The following PIBF1 variants were observed in gnomAD, a reference collection of about 807,000 sequenced individuals.
PIBF1 encodes progesterone-induced-blocking factor 1.
A neutral mutation model predicts 112.5 loss-of-function variants in PIBF1; 90 were observed. That is an observed-to-expected ratio of 0.80 (90% CI 0.67 to 0.95). The LOEUF is 0.95. Among genes scored for constraint, PIBF1 ranks in the 40% least tolerant of loss-of-function variants. PIBF1 has a pLI of 0.00. For missense variants in PIBF1, 915 were observed against 852.3 expected, an observed-to-expected ratio of 1.07 and a Z score of -0.92; for synonymous variants, 301 against 288.6, an observed-to-expected ratio of 1.04 and a Z score of -0.44.
intron 17 of PIBF1, among the ~76,000 whole-genome samples, chr13:73,006,241 A>G (rs2044031081): frequency 6.6e-6 from 1 of 152,138 alleles, no homozygotes; most frequent in Non-Finnish European, 1.5e-5. Context: ...TTTATGTTGA[A>G]TGTAGACTCA....
At chr13:72,971,196 GTGTGTGTGTA>G (rs762707964) in intron 15 of PIBF1, among the ~76,000 whole-genome samples, 188 of 116,224 alleles carry the variant, frequency 1.6e-3, no homozygotes, top group South Asian at 4.2e-3. Flanking sequence ...GTGTGTGTGT[GTGTGTGTGTA>G]TGTGTGTGTG....
rs576132861 is a variant in PIBF1, at chr13:72,935,450, T to G, written c.1833+4183T>G. Among the ~76,000 whole-genome samples the G allele has an allele frequency of 4.6e-5, 7 of 152,342 alleles. No individual in the cohort carries two copies. The South Asian group carries it at 1.5e-3, about 32-fold the overall frequency. On this transcript the variant is annotated intron_variant, in intron 14 of 17. Transcript: ENST00000326291. ...ACCACAGTTTGTTTATCCATTCACTTGTTGATGGACATTGGAGTCATTTCC... is the reference window on the plus strand; with the variant it reads ...ACCACAGTTTGTTTATCCATTCACTGGTTGATGGACATTGGAGTCATTTCC...
intron 14 of PIBF1, among the ~76,000 whole-genome samples, chr13:72,951,181 A>G (rs556237760): frequency 1.4e-4 from 21 of 152,148 alleles, no homozygotes; most frequent in Non-Finnish European, 2.8e-4. Flanking sequence ...TGCCTTTAAT[A>G]CACCTTATTT....
chr13:72,844,400 T>TA (rs1173163444), intron 9 of PIBF1, among the ~76,000 whole-genome samples: 4 of 152,160 alleles, frequency 2.6e-5, no homozygotes, highest in African/African-American at 7.2e-5. Flanking sequence ...GCAGGTTTGT[T>TA]ACATAGGTAT....
chr13:72,800,829 T>G (rs2035434783), intron 5 of PIBF1, among the ~76,000 whole-genome samples: 1 of 152,036 alleles, frequency 6.6e-6, no homozygotes, highest in South Asian at 2.1e-4. Flanking sequence ...AAGAAAAAAA[T>G]AGTTCAAGAT....
intron 16 of PIBF1, among the ~76,000 whole-genome samples, chr13:72,984,437 G>A (rs551114672): frequency 6.6e-6 from 1 of 152,216 alleles, no homozygotes; most frequent in East Asian, 1.9e-4. Flanking sequence ...GAGGGAATTA[G>A]GCTTTTTACC....
At chr13:72,913,803 A>G (rs1451598586) in intron 12 of PIBF1, among the ~76,000 whole-genome samples, 1 of 152,064 alleles carries the variant, frequency 6.6e-6, no homozygotes, top group African/African-American at 2.4e-5. Context: ...ATGGATGTAT[A>G]CTGTACATTT....
chr13:72,949,707 T>TTG (rs902814912), intron 14 of PIBF1, among the ~76,000 whole-genome samples: 6 of 152,028 alleles, frequency 3.9e-5, no homozygotes, highest in Non-Finnish European at 7.4e-5. Context: ...TGTTGTGTAT[T>TTG]TGTGTGTGTG....
At chr13:72,983,193 G>A (rs535900699) in intron 16 of PIBF1, among the ~76,000 whole-genome samples, 26 of 152,196 alleles carry the variant, frequency 1.7e-4, no homozygotes, top group African/African-American at 5.3e-4. Context: ...CCAGCTACTC[G>A]GTTGGCTGTT....
intron 9 of PIBF1, among the ~76,000 whole-genome samples, chr13:72,851,712 C>G (rs2038166423): frequency 1.3e-5 from 2 of 152,192 alleles, no homozygotes; most frequent in Non-Finnish European, 2.9e-5. Flanking sequence ...TGAGAACTTA[C>G]AGTACTTTTT....
chr13:72,835,246 C>G lies in PIBF1; in HGVS notation c.1101C>G (p.Asp367Glu). 1 of 1,558,816 alleles carries G rather than the reference C, an allele frequency of 6.4e-7. No homozygotes were observed. Among genetic ancestry groups the G allele is most frequent in the Non-Finnish European group, 8.6e-7 (1 of 1,159,714 alleles). The change falls in exon 9 of 18, where the codon GAC becomes GAG. Residue 367 changes from aspartate to glutamate, a missense_variant. By Grantham distance (45) the Asp-to-Glu change is conservative (BLOSUM62 2). Coordinates refer to ENST00000326291, the MANE Select transcript of PIBF1 (RefSeq NM_006346.4). ...TGTTCCTTTTCACTCCTTGCAGAGA[C>G]CATTATAAAACAGAATATGAAAATA... Reference protein sequence around the residue: ...EMYEKYVASRDHYKTEYENKL... With the variant: ...EMYEKYVASREHYKTEYENKL...
At chr13:72,933,201 A>T (rs2041764551) in intron 14 of PIBF1, among the ~76,000 whole-genome samples, 1 of 152,258 alleles carries the variant, frequency 6.6e-6, no homozygotes, top group Non-Finnish European at 1.5e-5. Flanking sequence ...AAAATATTAA[A>T]ATACATGCCT....
chr13:72,836,098 C>CAA (rs11382594), intron 9 of PIBF1: 1,386 of 386,582 alleles, frequency 3.6e-3, no homozygotes, highest in South Asian at 6.8e-3. Context: ...GACACCATCT[C>CAA]AAAAAAAAAA....
intron 10 of PIBF1, among the ~76,000 whole-genome samples, chr13:72,863,518 C>T (rs1469528407): frequency 2.0e-5 from 3 of 151,414 alleles, no homozygotes; most frequent in Admixed American, 6.6e-5. Flanking sequence ...ATTATCCAGG[C>T]GTGGTGGTGG....
chr13:72,815,635 T>G (rs191536607), intron 5 of PIBF1, among the ~76,000 whole-genome samples: 3 of 152,326 alleles, frequency 2.0e-5, no homozygotes, highest in Non-Finnish European at 4.4e-5. Context: ...GACTTTATCC[T>G]TTCCATCACC....
intron 10 of PIBF1, among the ~76,000 whole-genome samples, chr13:72,863,636 C>T (rs954758936): frequency 1.5e-5 from 2 of 135,172 alleles, no homozygotes; most frequent in African/African-American, 2.8e-5. Context: ...CCAGCCTGGG[C>T]GACAGAGTGA....
chr13:72,884,780 G>A (rs139148235), intron 10 of PIBF1: 1 of 152,166 alleles, frequency 6.6e-6, no homozygotes, highest in East Asian at 1.9e-4. Flanking sequence ...CCTAACATAA[G>A]ATTATATTTA....
intron 16 of PIBF1, among the ~76,000 whole-genome samples, chr13:72,989,968 C>T (rs148647874): frequency 3.6e-4 from 55 of 152,202 alleles, no homozygotes; most frequent in African/African-American, 1.3e-3. Context: ...AATCTCAGCA[C>T]TTTGGGAGGC....
intron 14 of PIBF1, among the ~76,000 whole-genome samples, chr13:72,950,157 G>A (rs1200341614): frequency 6.6e-6 from 1 of 152,084 alleles, no homozygotes; most frequent in African/African-American, 2.4e-5. Context: ...ATTGGCTGTG[G>A]TTTTCTTAGT....
Sources: gnomAD v4.1 joint callset for allele counts (sites outside exome capture counted in the v4.1 genomes callset) on GRCh38, gnomAD v4.1.1 for gene constraint, MANE v1.5 for transcripts, NCBI Gene and HGNC (gene_info 2026-07-23, HGNC 2026-07-21) for gene names.